Variants in SCN11A observed in about 807,000 individuals in gnomAD.
SCN11A encodes sodium channel protein type 11 subunit alpha.
SCN11A carries 122 observed loss-of-function variants against 162.2 expected under a neutral mutation model. The ratio of observed to expected loss-of-function variants is 0.75; its 90% CI spans 0.65 to 0.87. The LOEUF (loss-of-function observed/expected upper bound fraction) is 0.87, where lower values mean the gene tolerates loss of function less well. SCN11A is among the 40% of genes least tolerant of loss of function. SCN11A has a pLI of 0.00. For synonymous variants in SCN11A, 758 were observed against 751.5 expected (o/e 1.01, Z -0.14); for missense variants, 2,015 against 2,181.6 (o/e 0.92, Z 1.52).
rs1559497554 is a variant in SCN11A at position 38,870,722 on chromosome 3, T to A, written c.3782A>T (p.Asp1261Val). ...LQVATFKGWM[D>V]IIYAAVDSTE... ...GGAATCAACAGCTGCATATATAATA[T>A]CCATCCAGCCCTTAAATGTTGCCTG... is the stretch of plus-strand genomic sequence containing the variant. The change falls in exon 26 of 30, where the codon GAT becomes GTT. Residue 1261 changes from aspartate (D) to valine (V), a missense_variant. Transcript: ENST00000302328. The A allele has an allele frequency of 1.2e-6, 2 of 1,613,340 alleles. No individual in the cohort carries two copies.
chr3:39,016,653 AGT>A (rs1351904053), intron 2 of SCN11A, among the ~76,000 whole-genome samples: 1 of 151,906 alleles, frequency 6.6e-6, no homozygotes, highest in South Asian at 2.1e-4. Context: ...GCCAGGCTGG[AGT>A]GCAGTGGTGA....
chr3:38,950,552 T>C lies in SCN11A; in HGVS notation c.-7-183A>G, dbSNP rs1447282082. On this transcript the variant is annotated intron_variant, in intron 4 of 29. Transcript: ENST00000302328. ...CAGAAGAGATGACCACCACTGTGGG[T>C]ATAGCAGGAACTTTTGGCATAGACA... The C allele has an allele frequency of 4.1e-5, 25 of 608,510 alleles. 1 individual carries two copies. Among genetic ancestry groups the C allele is most frequent in the South Asian group, 1.6e-4 (8 of 48,614 alleles). 37.7% of individuals were successfully genotyped at this position (608,510 alleles called of 1,614,324 possible).
rs150508061 is a variant in SCN11A, at chr3:38,994,265, C to T, written c.-279-33842G>A. Among the ~76,000 whole-genome samples, 105 of 152,268 alleles carry T rather than the reference C, an allele frequency of 6.9e-4. 2 individuals carry two copies. The East Asian group carries it at 0.018, about 26-fold the overall frequency. On this transcript the variant is annotated intron_variant, in intron 2 of 29. Coordinates refer to ENST00000302328, the MANE Select transcript of SCN11A (RefSeq NM_001349253.2). ...ATTCCTATATATTGTCATGGCAGAA[C>T]GATGGACCAGCTAAGCTCCTGGATC...
At chr3:38,996,023 T>A (rs2125596236) in intron 2 of SCN11A, among the ~76,000 whole-genome samples, 2 of 152,268 alleles carry the variant, frequency 1.3e-5, no homozygotes, top group South Asian at 4.1e-4. Context: ...GCGCGCGCTC[T>A]CTCTCTTTCT....
At chr3:38,969,196 A>C (rs1291911555) in intron 2 of SCN11A, among the ~76,000 whole-genome samples, 1 of 152,224 alleles carries the variant, frequency 6.6e-6, no homozygotes, top group African/African-American at 2.4e-5. Context: ...CCAAGTCTAC[A>C]TGGAGGCCCA....
Position 38,846,801 on chromosome 3 carries a change from C to T in SCN11A, c.5269G>A (p.Gly1757Ser), listed in dbSNP as rs2064672201. ...YMMKVTKGDQ[G>S]DQNDLENGPH... The stretch of plus-strand genomic sequence containing the variant: ...CCGTTTTCCAAGTCATTTTGGTCAC[C>T]TTGGTCACCCTTGGTCACCTTCATC... Residue 1757 changes from glycine (G) to serine (S), a missense_variant, in exon 30 of 30, where the codon GGT becomes AGT. Gly to Ser is a moderately conservative substitution (Grantham distance 56, BLOSUM62 0). Coordinates refer to ENST00000302328, the MANE Select transcript of SCN11A (RefSeq NM_001349253.2). 6.2e-7 allele frequency: 1 copy of T among 1,614,016 alleles called. No homozygotes were observed. The highest frequency in any genetic ancestry group is 8.5e-7 in the Non-Finnish European group (1 of 1,179,980).
intron 4 of SCN11A, among the ~76,000 whole-genome samples, chr3:38,953,366 T>C: frequency 6.6e-6 from 1 of 151,858 alleles, no homozygotes; most frequent in East Asian, 1.9e-4. Context: ...ATGACACAAG[T>C]TTACCTATGT....
chr3:38,963,463 T>C lies in SCN11A; in HGVS notation c.-279-3040A>G, dbSNP rs548315449. Among the ~76,000 whole-genome samples, 37 of 138,736 alleles carry C rather than the reference T, an allele frequency of 2.7e-4. 1 individual carries two copies. The highest frequency in any genetic ancestry group is 2.6e-3 in the Admixed American group (36 of 13,626). The allele number at this position is 138,736 out of a possible 152,430, so 91.0% of individuals were successfully genotyped here. A position where few individuals can be genotyped will look rare whatever the true frequency, so the allele number is the denominator to read the frequency against. On this transcript the variant is annotated intron_variant, in intron 2 of 29. Transcript: ENST00000302328. The stretch of plus-strand genomic sequence containing the variant: ...TATATATGATGGAGATATATATATA[T>C]ATATGATGGAGATATATATATATGA...
intron 12 of SCN11A, among the ~76,000 whole-genome samples, chr3:38,909,702 CT>C: frequency 6.6e-6 from 1 of 150,516 alleles, no homozygotes; most frequent in Non-Finnish European, 1.5e-5. Context: ...CCTGCCTCAT[CT>C]TTCCAAGTAG....
intron 11 of SCN11A, among the ~76,000 whole-genome samples, chr3:38,917,113 G>A (rs1174481231): frequency 6.6e-6 from 1 of 152,170 alleles, no homozygotes; most frequent in Middle Eastern, 3.2e-3. Flanking sequence ...AAACCACAAT[G>A]AGATACCATC....
rs543719945 is a variant in SCN11A, at chr3:39,027,262, T to C, written c.-280+5118A>G. On this transcript the variant is annotated intron_variant, in intron 2 of 29. Coordinates refer to ENST00000302328, the MANE Select transcript of SCN11A (RefSeq NM_001349253.2). ...TAAAGACTATTCCTTACTTAAGTCA[T>C]GCTTGCAAAGCCAGTGGCAACCATA... is the stretch of plus-strand genomic sequence containing the variant. 7.9e-5 allele frequency among the ~76,000 whole-genome samples: 12 copies of C among 152,328 alleles called. No homozygotes were observed. The South Asian group carries it at 1.0e-3, about 13-fold the overall frequency.
intron 28 of SCN11A, among the ~76,000 whole-genome samples, chr3:38,855,539 G>A (rs936521494): frequency 1.6e-4 from 25 of 152,116 alleles, no homozygotes; most frequent in Admixed American, 1.0e-3. Context: ...TAGGGCAAGC[G>A]TATATCCCAC....
intron 2 of SCN11A, among the ~76,000 whole-genome samples, chr3:39,026,503 C>T (rs1462606994): frequency 6.6e-6 from 1 of 152,140 alleles, no homozygotes; most frequent in Non-Finnish European, 1.5e-5. Context: ...GGGTAAAGGG[C>T]CTTTAACATC....
At position 38,880,458 on chromosome 3, in the gene SCN11A, T is replaced by C. The variant is rs578253073; in HGVS notation, c.3220-335A>G. Among the ~76,000 whole-genome samples the C allele has an allele frequency of 2.0e-5, 3 of 152,296 alleles. No individual in the cohort carries two copies. The East Asian group carries it at 5.8e-4, about 29-fold the overall frequency. ...TTTTCAACTCCTGCCAAATATGTCT[T>C]GCCAACATTCCCAGGACCACCCAGT... is the stretch of plus-strand genomic sequence containing the variant. On this transcript the variant is annotated intron_variant, in intron 22 of 29. Coordinates refer to ENST00000302328, the MANE Select transcript of SCN11A (RefSeq NM_001349253.2).
chr3:38,953,194 G>A (rs531332445), intron 4 of SCN11A, among the ~76,000 whole-genome samples: 1 of 152,050 alleles, frequency 6.6e-6, no homozygotes, highest in Non-Finnish European at 1.5e-5. Context: ...ACTTATAAGT[G>A]GGAGCTAAAT....
intron 2 of SCN11A, among the ~76,000 whole-genome samples, chr3:39,004,078 G>C (rs1336820071): frequency 1.3e-5 from 2 of 152,134 alleles, no homozygotes; most frequent in African/African-American, 4.8e-5. Flanking sequence ...TGGTGTCTTT[G>C]TCATGAAATC....
intron 7 of SCN11A, among the ~76,000 whole-genome samples, chr3:38,938,674 C>A (rs2066393190): frequency 6.8e-6 from 1 of 147,084 alleles, no homozygotes; most frequent in Admixed American, 6.8e-5. Context: ...AAGCGATTCT[C>A]CTGCCTCAGC....
At chr3:38,974,795 A>G (rs1264469106) in intron 2 of SCN11A, among the ~76,000 whole-genome samples, 1 of 151,904 alleles carries the variant, frequency 6.6e-6, no homozygotes, top group African/African-American at 2.4e-5. Context: ...AATAAAAACA[A>G]TATTCGAAGT....
At chr3:38,912,217 C>T (rs1303839323) in intron 11 of SCN11A, among the ~76,000 whole-genome samples, 1 of 152,098 alleles carries the variant, frequency 6.6e-6, no homozygotes, top group Non-Finnish European at 1.5e-5. Flanking sequence ...GGTCACCATT[C>T]AAAATATAAG....
Sources: allele counts gnomAD v4.1 joint callset (sites outside exome capture counted in the v4.1 genomes callset), GRCh38; gene constraint gnomAD v4.1.1; transcripts MANE v1.5; gene names NCBI Gene and HGNC (gene_info 2026-07-23, HGNC 2026-07-21).